The following CDYL2 variants were observed in gnomAD, a reference collection of about 807,000 sequenced individuals.
The protein encoded by CDYL2 is chromodomain Y-like protein 2.
CDYL2 carries 23 observed loss-of-function variants against 49.4 expected under a neutral mutation model. The observed-to-expected ratio is 0.47, with a 90% CI of 0.34 to 0.66. The LOEUF (loss-of-function observed/expected upper bound fraction) is 0.66, where lower values mean the gene tolerates loss of function less well. CDYL2 is among the 30% of genes least tolerant of loss of function. The pLI is 0.01. For missense variants in CDYL2, 678 were observed against 656.4 expected (o/e 1.03, Z -0.36); for synonymous variants, 360 against 268.8 (o/e 1.34, Z -3.32).
intron 2 of CDYL2, among the ~76,000 whole-genome samples, chr16:80,675,872 T>C (rs907959930): frequency 1.3e-5 from 2 of 152,076 alleles, no homozygotes; most frequent in Non-Finnish European, 2.9e-5. Flanking sequence ...CCCTGATGGA[T>C]AGCCATGAGC....
chr16:80,629,821 G>C (rs1207528846), intron 3 of CDYL2, among the ~76,000 whole-genome samples: 3 of 152,154 alleles, frequency 2.0e-5, no homozygotes, highest in Non-Finnish European at 4.4e-5. Flanking sequence ...TCACAAGCAA[G>C]GCAATGTCTG....
intron 1 of CDYL2, among the ~76,000 whole-genome samples, chr16:80,752,379 A>G (rs1906167461): frequency 6.6e-6 from 1 of 152,156 alleles, no homozygotes; most frequent in South Asian, 2.1e-4. Context: ...GAAAAAAACA[A>G]TTACCAAGAA....
At chr16:80,617,872 G>A (rs529982352) in intron 4 of CDYL2, among the ~76,000 whole-genome samples, 4 of 152,090 alleles carry the variant, frequency 2.6e-5, no homozygotes, top group African/African-American at 9.7e-5. Context: ...CATAGGGCGG[G>A]TGTTCTCAAC....
At chr16:80,683,726 C>T (rs900650905) in intron 2 of CDYL2, among the ~76,000 whole-genome samples, 2 of 152,134 alleles carry the variant, frequency 1.3e-5, no homozygotes, top group East Asian at 1.9e-4. Context: ...GAGCTCCATC[C>T]TTGTGGATGG....
intron 1 of CDYL2, among the ~76,000 whole-genome samples, chr16:80,800,223 A>G (rs749278284): frequency 1.3e-5 from 2 of 152,196 alleles, no homozygotes; most frequent in Non-Finnish European, 2.9e-5. Context: ...TCATGGCAAA[A>G]CTGCAAGAAC....
intron 2 of CDYL2, among the ~76,000 whole-genome samples, chr16:80,640,409 A>C (rs1336037346): frequency 6.6e-6 from 1 of 152,174 alleles, no homozygotes; most frequent in East Asian, 1.9e-4. Flanking sequence ...AGCCCTGAAT[A>C]ACCAGCAGCA....
rs181524363 is a variant in CDYL2 at position 80,781,147 on chromosome 16, A to T, written c.24+23003T>A. On this transcript the variant is annotated intron_variant, in intron 1 of 6. Transcript: ENST00000570137. Reference sequence around the variant, plus strand: ...GGCAGAGTGAAATTTAACATAAATCATTACACAATACACATCACATCAGAA... The same window carrying T: ...GGCAGAGTGAAATTTAACATAAATCTTTACACAATACACATCACATCAGAA... Among the ~76,000 whole-genome samples the T allele has an allele frequency of 1.4e-3, 218 of 152,328 alleles. 3 individuals are homozygous for T. The highest frequency in any genetic ancestry group is 5.1e-3 in the African/African-American group (210 of 41,568).
At chr16:80,802,723 C>G (rs2142427764) in intron 1 of CDYL2, among the ~76,000 whole-genome samples, 1 of 152,292 alleles carries the variant, frequency 6.6e-6, no homozygotes, top group Admixed American at 6.5e-5. Context: ...AGAACATGGT[C>G]ACACAGGAGA....
intron 1 of CDYL2, among the ~76,000 whole-genome samples, chr16:80,757,694 T>C (rs992582501): frequency 6.6e-6 from 1 of 151,842 alleles, no homozygotes; most frequent in African/African-American, 2.4e-5. Flanking sequence ...GGTATATTCA[T>C]AATAACAACA....
chr16:80,719,554 C>A (rs1904928848), intron 1 of CDYL2, among the ~76,000 whole-genome samples: 1 of 152,220 alleles, frequency 6.6e-6, no homozygotes, highest in Non-Finnish European at 1.5e-5. Flanking sequence ...AGATAATTTT[C>A]AGCTCTGCAG....
Position 80,723,970 on chromosome 16 carries a change from GGA to G in CDYL2, c.25-38843_25-38842del, listed in dbSNP as rs1377798250. ...GAGAAAAAGGGGGGAGAAAGAGGAG[GGA>G]GAGAGAGGAAGAAGCAAGGAGAGAA... is the stretch of plus-strand genomic sequence containing the variant. On this transcript the variant is annotated intron_variant, in intron 1 of 6. Coordinates refer to ENST00000570137, the MANE Select transcript of CDYL2 (RefSeq NM_152342.4). Among the ~76,000 whole-genome samples the G allele has an allele frequency of 4.9e-5, 7 of 142,272 alleles. No homozygotes were observed. The South Asian group carries it at 1.6e-3, about 32-fold the overall frequency. The allele number at this position is 142,272 out of a possible 152,430, so 93.3% of individuals were successfully genotyped here. A position where few individuals can be genotyped will look rare whatever the true frequency, so the allele number is the denominator to read the frequency against.
At chr16:80,605,400 A>G (rs1005407511) in intron 6 of CDYL2, among the ~76,000 whole-genome samples, 11 of 148,282 alleles carry the variant, frequency 7.4e-5, no homozygotes, top group African/African-American at 2.7e-4. Flanking sequence ...TGTATTATAT[A>G]TAATATATAC....
chr16:80,636,867 G>A (rs1481247296), intron 2 of CDYL2, among the ~76,000 whole-genome samples: 2 of 152,300 alleles, frequency 1.3e-5, no homozygotes, highest in East Asian at 3.9e-4. Context: ...GGAATACTAT[G>A]CAGCCATAAA....
chr16:80,800,239 T>A (rs925686274), intron 1 of CDYL2, among the ~76,000 whole-genome samples: 1 of 152,192 alleles, frequency 6.6e-6, no homozygotes, highest in African/African-American at 2.4e-5. Context: ...AGAACAGCTA[T>A]GAAAACATTT....
chr16:80,628,297 C>T (rs1907392595), intron 3 of CDYL2: 1 of 152,238 alleles, frequency 6.6e-6, no homozygotes, highest in Non-Finnish European at 1.5e-5. Flanking sequence ...CTGGCTTCAA[C>T]AGAAGATGCC....
chr16:80,799,958 T>C (rs1045550598), intron 1 of CDYL2, among the ~76,000 whole-genome samples: 1 of 152,230 alleles, frequency 6.6e-6, no homozygotes, highest in African/African-American at 2.4e-5. Flanking sequence ...TACATGTATT[T>C]CTTTGACAGG....
At chr16:80,651,349 A>C (rs1325002497) in intron 2 of CDYL2, among the ~76,000 whole-genome samples, 1 of 152,252 alleles carries the variant, frequency 6.6e-6, no homozygotes, top group Non-Finnish European at 1.5e-5. Flanking sequence ...AGTCTGAAAA[A>C]TCTATATATG....
intron 2 of CDYL2, among the ~76,000 whole-genome samples, chr16:80,674,380 C>T (rs77599501): frequency 0.016 from 2,365 of 152,182 alleles, 69 homozygotes; most frequent in African/African-American, 0.054. Flanking sequence ...AGTAGGGAAA[C>T]GGTAGCTGTT....
intron 4 of CDYL2, among the ~76,000 whole-genome samples, chr16:80,613,969 G>C (rs1906714674): frequency 6.6e-6 from 1 of 152,230 alleles, no homozygotes; most frequent in Non-Finnish European, 1.5e-5. Flanking sequence ...GGGCCTCTGA[G>C]AGTTCTCAGA....
Sources: allele counts gnomAD v4.1 joint callset (sites outside exome capture counted in the v4.1 genomes callset), GRCh38; gene constraint gnomAD v4.1.1; transcripts MANE v1.5; gene names NCBI Gene and HGNC (gene_info 2026-07-23, HGNC 2026-07-21).